The following GOLGA8M variants were observed in gnomAD, a reference collection of about 807,000 sequenced individuals.
The protein encoded by GOLGA8M is golgin subfamily A member 8M.
Under a neutral mutation model 87.7 loss-of-function variants are expected in GOLGA8M, and 34 were observed. The ratio of observed to expected loss-of-function variants is 0.39; its 90% confidence interval spans 0.29 to 0.52. GOLGA8M has a LOEUF of 0.52. Among genes scored for constraint, GOLGA8M ranks in the 20% least tolerant of loss-of-function variants. The pLI is 0.80. For synonymous variants in GOLGA8M, 138 were observed against 250.2 expected, an observed-to-expected ratio of 0.55 and a Z score of 4.23; for missense variants, 396 against 682.2, an observed-to-expected ratio of 0.58 and a Z score of 4.67.
chr15:28,704,893 G>A (rs1393144028), intron 13 of GOLGA8M: 2 of 792,826 alleles, frequency 2.5e-6, no homozygotes, highest in Non-Finnish European at 2.0e-6. Context: ...GGCATAAGGA[G>A]CCTGTTATAG....
chr15:28,705,149 A>T lies in GOLGA8M; in HGVS notation c.1200+10T>A, dbSNP rs1469002195. 223 of 1,596,998 alleles carry T rather than the reference A, an allele frequency of 1.4e-4. 3 individuals are homozygous for T. The East Asian group carries it at 2.7e-3, about 19-fold the overall frequency. ...TTCTTGGATGGGGTGGAGGTTTCCGACTCCTTCACCTCGCCAAGCTTCTCC... is the reference window on the plus strand; with the variant it reads ...TTCTTGGATGGGGTGGAGGTTTCCGTCTCCTTCACCTCGCCAAGCTTCTCC... On this transcript the variant is annotated intron_variant, in intron 13 of 18. Transcript: ENST00000563027.
At position 28,702,019 on chromosome 15, in the gene GOLGA8M, C is replaced by T. The variant is rs1422985979; in HGVS notation, c.1834G>A (p.Gly612Ser). Reference protein sequence around the residue: ...PIVQDHQEHPGLGSNCCVPFF... With the variant: ...PIVQDHQEHPSLGSNCCVPFF... ...GGCACACAGCAGTTGCTGCCCAAGC[C>T]TGGGTGCTCCTGGTGGTCCTGCACG... is the stretch of plus-strand genomic sequence containing the variant. Residue 612 changes from glycine to serine, a missense_variant, in exon 19 of 19, where the codon GGC becomes AGC. By Grantham distance (56) the Gly-to-Ser change is moderately conservative. Transcript: ENST00000563027. 1.9e-6 allele frequency: 3 copies of T among 1,598,030 alleles called. No homozygotes were observed. The Admixed American group carries it at 5.0e-5, about 27-fold the overall frequency.
In GOLGA8M at chr15:28,701,533, C is replaced by T. The variant is rs377401017; in HGVS notation, c.*421G>A. ...CTGTGATTAAGATTAGATCAAACAA[C>T]AGCAGAACATAGGCAAATTTTGTCT... On this transcript the variant is annotated 3_prime_UTR_variant, in exon 19 of 19. Coordinates refer to ENST00000563027, the MANE Select transcript of GOLGA8M (RefSeq NM_001282468.3). Among the ~76,000 whole-genome samples, 9,528 of 150,412 alleles carry T rather than the reference C, an allele frequency of 0.063. 545 individuals are homozygous for T. The highest frequency in any genetic ancestry group is 0.14 in the African/African-American group (5,851 of 40,518).
rs1241601746 is a variant in GOLGA8M at position 28,708,367 on chromosome 15, C to T, written c.348+8G>A. ...CAGTCATGTTGCAAGGAAACGAAAT[C>T]ACGTTACTTCTTCCAGCTGATGTTC... On this transcript the variant is annotated splice_region_variant and intron_variant, in intron 5 of 18. Transcript: ENST00000563027. The T allele has an allele frequency of 1.3e-6, 2 of 1,587,308 alleles. No individual in the cohort carries two copies. The highest frequency in any genetic ancestry group is 1.7e-6 in the Non-Finnish European group (2 of 1,166,546).
In GOLGA8M at chr15:28,711,943, G is replaced by A. The variant is rs541199226; in HGVS notation, c.48+333C>T. On this transcript the variant is annotated intron_variant, in intron 1 of 18. Transcript: ENST00000563027. ...CCAAAGTCACCCAGGGATGATTGGC[G>A]AGGGTGGGGCCTGGCTCCTCAGAGA... The A allele has an allele frequency of 1.7e-5, 17 of 985,096 alleles. 1 individual carries two copies. The East Asian group carries it at 5.7e-4, about 33-fold the overall frequency. The allele number at this position is 985,096 out of a possible 1,614,324, so 61.0% of individuals were successfully genotyped here. A position where few individuals can be genotyped will look rare whatever the true frequency, so the allele number is the denominator to read the frequency against.
rs2080087965 is a variant in GOLGA8M, at chr15:28,707,992, C to T, written c.442G>A (p.Asp148Asn). Residue 148 changes from aspartate to asparagine, a missense_variant, in exon 7 of 19, where the codon GAC becomes AAC. Around this residue, in one of 12 missense-constraint regions of GOLGA8M, gnomAD observed 80 missense variants for 119.9 expected, o/e 0.67. Transcript: ENST00000563027. ...AGAGAACGTTTCATGTGGTACAGGT[C>T]CGTATTTAGTTCCTCTTTCTGTATG... ...LNIQKEELNT[D>N]LYHMKRSLRY... 6.3e-7 allele frequency: 1 copy of T among 1,596,376 alleles called. No homozygotes were observed. Among genetic ancestry groups the T allele is most frequent in the Non-Finnish European group, 8.5e-7 (1 of 1,178,146 alleles).
rs1386741865 is a variant in GOLGA8M at position 28,699,353 on chromosome 15, A to T, written c.*2601T>A. ...CTCTAACATTCCAATGTTGCCTTCTAAGCAAACTGAAAGCTGCCTTATACA... is the reference window on the plus strand; with the variant it reads ...CTCTAACATTCCAATGTTGCCTTCTTAGCAAACTGAAAGCTGCCTTATACA... On this transcript the variant is annotated 3_prime_UTR_variant, in exon 19 of 19. Transcript: ENST00000563027. Among the ~76,000 whole-genome samples, 1 of 149,374 alleles carries T rather than the reference A, an allele frequency of 6.7e-6. No homozygotes were observed.
In GOLGA8M at chr15:28,699,312, CTG is replaced by C. The variant is rs1158504604; in HGVS notation, c.*2640_*2641del. Among the ~76,000 whole-genome samples the C allele has an allele frequency of 6.7e-6, 1 of 148,824 alleles. No homozygotes were observed. The highest frequency in any genetic ancestry group is 1.5e-5 in the Non-Finnish European group (1 of 67,904). ...TCAGTGGAACTCACAGTTTAAAATT[CTG>C]TGTTTCTGATGAACTCTAACATTCC... On this transcript the variant is annotated 3_prime_UTR_variant, in exon 19 of 19. Transcript: ENST00000563027.
chr15:28,713,190 G>A, upstream of GOLGA8M, among the ~76,000 whole-genome samples: 1 of 150,550 alleles, frequency 6.6e-6, no homozygotes, highest in South Asian at 2.1e-4. Flanking sequence ...ATACAAAAAA[G>A]GCCGGATGTG....
rs1437584599 is a variant in GOLGA8M at position 28,707,836 on chromosome 15, A to T, written c.503T>A (p.Val168Asp). 3 of 1,583,266 alleles carry T rather than the reference A, an allele frequency of 1.9e-6. No homozygotes were observed. Among genetic ancestry groups the T allele is most frequent in the Non-Finnish European group, 2.5e-6 (3 of 1,177,364 alleles). The change falls in exon 8 of 19, where the codon GTC becomes GAC. Residue 168 changes from valine (V) to aspartate (D), a missense_variant. This residue lies in a region of GOLGA8M where 80 missense variants were observed against 119.9 expected (regional missense o/e 0.67). Transcript: ENST00000563027. The stretch of plus-strand genomic sequence containing the variant: ...ACGCTGCAATGAATGTTGCAGGCGG[A>T]CAGCCAGATCCTTGGACTTTTCTGT... Reference protein sequence around the residue: ...YFEEKSKDLAVRLQHSLQRKG... With the variant: ...YFEEKSKDLADRLQHSLQRKG...
At chr15:28,711,764 A>G (rs1352900409) in intron 1 of GOLGA8M, 2 of 984,324 alleles carry the variant, frequency 2.0e-6, no homozygotes, top group African/African-American at 1.7e-5. Flanking sequence ...TGTCAGCACC[A>G]TGTCTAAGTC....
At chr15:28,708,787 GA>G (rs1485872335) in intron 4 of GOLGA8M, among the ~76,000 whole-genome samples, 1 of 151,994 alleles carries the variant, frequency 6.6e-6, no homozygotes, top group East Asian at 1.9e-4. Context: ...GCAGATATAG[GA>G]TGGAAAAGGA....
intron 4 of GOLGA8M, among the ~76,000 whole-genome samples, chr15:28,708,839 G>A (rs1009806384): frequency 4.6e-5 from 7 of 150,876 alleles, no homozygotes; most frequent in African/African-American, 1.7e-4. Flanking sequence ...ATTCTCGGGG[G>A]CCTTTAAATC....
At chr15:28,708,092 G>A (rs1359867962) in intron 6 of GOLGA8M, 34 bp downstream of exon 6, 4 of 1,606,026 alleles carry the variant, frequency 2.5e-6, no homozygotes, top group Admixed American at 3.4e-5. Flanking sequence ...ACATTCTCCG[G>A]AGGACAGGAG....
rs377180186 is a variant in GOLGA8M at position 28,704,062 on chromosome 15, A to G, written c.1201-145T>C. On this transcript the variant is annotated intron_variant, in intron 13 of 18. Transcript: ENST00000563027. The stretch of plus-strand genomic sequence containing the variant: ...ACCGCTTTGCCTCAAGCTTCCTGCT[A>G]CTGCAGCTGGTTCATTAGCTGGGTC... 1,650 of 1,535,638 alleles carry G rather than the reference A, an allele frequency of 1.1e-3. 23 individuals are homozygous for G. Among genetic ancestry groups the G allele is most frequent in the South Asian group, 2.5e-3 (215 of 84,518 alleles).
chr15:28,700,890 C>T lies in GOLGA8M; in HGVS notation c.*1064G>A, dbSNP rs2079768782. The stretch of plus-strand genomic sequence containing the variant: ...TTCCTTCACTCTAATTCATTCTTGA[C>T]TAGAGCCTGTATGCCTGTTCCAGGG... On this transcript the variant is annotated 3_prime_UTR_variant, in exon 19 of 19. Transcript: ENST00000563027. 6.6e-6 allele frequency among the ~76,000 whole-genome samples: 1 copy of T among 152,024 alleles called. No individual in the cohort carries two copies. Among genetic ancestry groups the T allele is most frequent in the South Asian group, 2.1e-4 (1 of 4,832 alleles).
rs542211626 is a variant in GOLGA8M at position 28,698,644 on chromosome 15, T to A, written c.*3310A>T. 6.9e-6 allele frequency among the ~76,000 whole-genome samples: 1 copy of A among 145,504 alleles called. No homozygotes were observed. Among genetic ancestry groups the A allele is most frequent in the Non-Finnish European group, 1.5e-5 (1 of 67,706 alleles). On this transcript the variant is annotated 3_prime_UTR_variant, in exon 19 of 19. Transcript: ENST00000563027. ...TTAATAAACACTTGCATAGTTATAT[T>A]ACAACTTTGTAAAAATGAAACACAT...
At chr15:28,707,214 G>C (rs1216004946) in intron 8 of GOLGA8M, among the ~76,000 whole-genome samples, 4 of 135,218 alleles carry the variant, frequency 3.0e-5, no homozygotes, top group Non-Finnish European at 4.5e-5. Context: ...TTAATCTTTT[G>C]TTCACTTTTT....
Position 28,702,723 on chromosome 15 carries a change from T to G in GOLGA8M, c.1391A>C (p.Glu464Ala), listed in dbSNP as rs2079844468. The change falls in exon 16 of 19, where the codon GAG (glutamate) becomes GCG (alanine). Residue 464 changes from glutamate (E) to alanine (A), a missense_variant. Transcript: ENST00000563027. ...AAGCTCACTCAGGTCTGCCTTCTCCTCCAGGTGGTCCATAAAGCTGCTCTG... is the reference window on the plus strand; with the variant it reads ...AAGCTCACTCAGGTCTGCCTTCTCCGCCAGGTGGTCCATAAAGCTGCTCTG... ...EAMSSFMDHL[E>A]EKADLSELVK... The G allele has an allele frequency of 6.2e-7, 1 of 1,601,326 alleles. No individual in the cohort carries two copies. Among genetic ancestry groups the G allele is most frequent in the Admixed American group, 1.7e-5 (1 of 59,810 alleles).
Sources: allele counts gnomAD v4.1 joint callset (sites outside exome capture counted in the v4.1 genomes callset), GRCh38; gene constraint gnomAD v4.1.1; regional missense constraint gnomAD v4.1.1; transcripts MANE v1.5; gene names NCBI Gene and HGNC (gene_info 2026-07-23, HGNC 2026-07-21).